Variants in LMAN2L observed in about 807,000 individuals in gnomAD.
LMAN2L encodes VIP36-like protein.
LMAN2L carries 30 observed loss-of-function variants against 44.3 expected under a neutral mutation model. The ratio of observed to expected loss-of-function variants is 0.68; its 90% confidence interval spans 0.51 to 0.92. LMAN2L has a LOEUF of 0.92. LMAN2L is among the 40% of genes least tolerant of loss of function. The probability of loss-of-function intolerance (pLI) is 0.00; values close to 1 mark genes in which losing one functional copy is unlikely to be tolerated. For missense variants in LMAN2L, 429 were observed against 446.1 expected, an observed-to-expected ratio of 0.96 and a Z score of 0.35; for synonymous variants, 183 against 171.1, an observed-to-expected ratio of 1.07 and a Z score of -0.54.
At chr2:96,719,972 A>G (rs938015831) in intron 4 of LMAN2L, among the ~76,000 whole-genome samples, 1 of 152,102 alleles carries the variant, frequency 6.6e-6, no homozygotes, top group Non-Finnish European at 1.5e-5. Context: ...GGCTGCAGTG[A>G]GCTATCACTG....
intron 4 of LMAN2L, among the ~76,000 whole-genome samples, chr2:96,717,761 C>A (rs2078070077): frequency 6.7e-6 from 1 of 149,852 alleles, no homozygotes; most frequent in South Asian, 2.2e-4. Flanking sequence ...ATCGCTTGAA[C>A]CCAGGAGGCA....
At chr2:96,731,855 T>C (rs549312445) in intron 4 of LMAN2L, among the ~76,000 whole-genome samples, 19 of 151,688 alleles carry the variant, frequency 1.3e-4, no homozygotes, top group East Asian at 1.2e-3. Context: ...GTTCAAGCCA[T>C]TCTCCTGACT....
intron 4 of LMAN2L, among the ~76,000 whole-genome samples, chr2:96,729,213 T>C (rs895751623): frequency 6.6e-6 from 1 of 150,584 alleles, no homozygotes; most frequent in South Asian, 2.1e-4. Flanking sequence ...AAAATAATAA[T>C]AATAAATGTC....
intron 2 of LMAN2L, among the ~76,000 whole-genome samples, chr2:96,735,113 A>C (rs2078486308): frequency 6.6e-6 from 1 of 152,226 alleles, no homozygotes; most frequent in South Asian, 2.1e-4. Flanking sequence ...AGAGCAAGTT[A>C]CAGTCCCCAA....
chr2:96,707,440 C>T, intron 7 of LMAN2L, 42 bp from the exon 8 acceptor site: 2 of 1,581,374 alleles, frequency 1.3e-6, no homozygotes, highest in Admixed American at 1.8e-5. Context: ...ACAGGGAGCC[C>T]ACCCAATAGG....
chr2:96,710,204 G>T (rs1403563767), intron 6 of LMAN2L, among the ~76,000 whole-genome samples: 1 of 152,190 alleles, frequency 6.6e-6, no homozygotes, highest in Non-Finnish European at 1.5e-5. Flanking sequence ...CTTTTGGCAG[G>T]TGATGGAAAC....
In LMAN2L at chr2:96,709,075, C is replaced by T. The variant is rs551075366; in HGVS notation, c.785-1242G>A. On this transcript the variant is annotated intron_variant, in intron 6 of 7. Transcript: ENST00000264963. ...GATTACAGGCATGCACCACCACGCCCGGCTAATTTTTTGTATTTTTTTTTT... is the reference window on the plus strand; with the variant it reads ...GATTACAGGCATGCACCACCACGCCTGGCTAATTTTTTGTATTTTTTTTTT... 3.2e-4 allele frequency among the ~76,000 whole-genome samples: 48 copies of T among 151,852 alleles called. No homozygotes were observed. The East Asian group carries it at 5.4e-3, about 17-fold the overall frequency.
At chr2:96,734,547 G>T in intron 2 of LMAN2L, 21 bp from the exon 3 acceptor site, 1 of 1,452,198 alleles carries the variant, frequency 6.9e-7, no homozygotes, top group South Asian at 1.1e-5. Flanking sequence ...AAAGACATTA[G>T]AATCAATGAG....
chr2:96,709,242 G>A (rs1245306623), intron 6 of LMAN2L, among the ~76,000 whole-genome samples: 1 of 152,050 alleles, frequency 6.6e-6, no homozygotes, highest in East Asian at 1.9e-4. Flanking sequence ...TCTTATTGAT[G>A]CTCAACTCAC....
At chr2:96,728,939 A>G (rs1036021494) in intron 4 of LMAN2L, among the ~76,000 whole-genome samples, 4 of 152,012 alleles carry the variant, frequency 2.6e-5, no homozygotes, top group African/African-American at 4.8e-5. Context: ...TTGGGAGGCT[A>G]AGGTGGGCAG....
At chr2:96,724,573 G>A (rs565790908) in intron 4 of LMAN2L, among the ~76,000 whole-genome samples, 5 of 151,952 alleles carry the variant, frequency 3.3e-5, no homozygotes, top group Non-Finnish European at 5.9e-5. Context: ...CGATGCGATC[G>A]TGGCTCACTG....
At chr2:96,717,092 CT>C (rs989016585) in intron 4 of LMAN2L, among the ~76,000 whole-genome samples, 17 of 149,548 alleles carry the variant, frequency 1.1e-4, no homozygotes, top group South Asian at 1.1e-3. Flanking sequence ...CATAAAATAA[CT>C]TTTTTTTTTA....
intron 4 of LMAN2L, among the ~76,000 whole-genome samples, 180 bp from the exon 5 acceptor site, chr2:96,712,205 G>A (rs2077942404): frequency 6.6e-6 from 1 of 152,158 alleles, no homozygotes; most frequent in African/African-American, 2.4e-5. Context: ...AAGGGAAATG[G>A]GCCCAGGAAG....
intron 4 of LMAN2L, among the ~76,000 whole-genome samples, chr2:96,724,507 T>A (rs889740526): frequency 6.6e-6 from 1 of 152,216 alleles, no homozygotes; most frequent in African/African-American, 2.4e-5. Flanking sequence ...TAATTTTTTT[T>A]ACTTTATTTC....
At chr2:96,718,393 G>C (rs1160757517) in intron 4 of LMAN2L, among the ~76,000 whole-genome samples, 1 of 151,994 alleles carries the variant, frequency 6.6e-6, no homozygotes, top group Non-Finnish European at 1.5e-5. Context: ...CATTTAAAAA[G>C]GTTTTAAAAA....
At chr2:96,707,942 C>A in intron 6 of LMAN2L, 109 bp from the exon 7 acceptor site, 1 of 1,122,480 alleles carries the variant, frequency 8.9e-7, no homozygotes, top group Non-Finnish European at 1.3e-6. Context: ...CAGCAGTGAC[C>A]TTGAAAAAAT....
chr2:96,716,476 C>A (rs1015354165), intron 4 of LMAN2L, among the ~76,000 whole-genome samples: 2 of 152,112 alleles, frequency 1.3e-5, no homozygotes, highest in Admixed American at 1.3e-4. Context: ...GTAAGCTGAC[C>A]ATTTGCTTTT....
rs2077795547 is a variant in LMAN2L at position 96,706,945 on chromosome 2, T to C, written c.*311A>G. 5.0e-6 allele frequency: 1 copy of C among 200,896 alleles called. No individual in the cohort carries two copies. The highest frequency in any genetic ancestry group is 1.7e-4 in the South Asian group (1 of 5,786). The allele number at this position is 200,896 out of a possible 1,614,324, so 12.4% of individuals were successfully genotyped here. A position where few individuals can be genotyped will look rare whatever the true frequency, so the allele number is the denominator to read the frequency against. On this transcript the variant is annotated 3_prime_UTR_variant, in exon 8 of 8. Coordinates refer to ENST00000264963, the MANE Select transcript of LMAN2L (RefSeq NM_030805.4). ...CACGGCAGCCTGGGCTATGAAATTC[T>C]GTTCTGTGATTTTGGCATCACAACC...
intron 4 of LMAN2L, among the ~76,000 whole-genome samples, chr2:96,723,019 CA>C (rs879363827): frequency 7.4e-4 from 105 of 141,422 alleles, no homozygotes; most frequent in Admixed American, 1.4e-3. Flanking sequence ...GACTCCATCT[CA>C]AAAAAAAAAA....
Sources: allele counts gnomAD v4.1 joint callset (sites outside exome capture counted in the v4.1 genomes callset), GRCh38; gene constraint gnomAD v4.1.1; transcripts MANE v1.5; gene names NCBI Gene and HGNC (gene_info 2026-07-23, HGNC 2026-07-21).